STON2: variants seen among roughly 807,000 people sequenced by gnomAD.
STON2 encodes the protein stonin 2.
Under a neutral mutation model 65.7 loss-of-function variants are expected in STON2, and 29 were observed. The ratio of observed to expected loss-of-function variants is 0.44; its 90% CI spans 0.33 to 0.60. The LOEUF is 0.60. Ranked by LOEUF, STON2 falls within the 20% of genes least tolerant of loss-of-function variation. The pLI is 0.03. For synonymous variants in STON2, 404 were observed against 414.2 expected, an observed-to-expected ratio of 0.98 and a Z score of 0.30; for missense variants, 1,054 against 1,118.1, an observed-to-expected ratio of 0.94 and a Z score of 0.82.
chr14:81,382,490 C>T (rs1294141750), intron 3 of STON2, among the ~76,000 whole-genome samples: 2 of 151,956 alleles, frequency 1.3e-5, no homozygotes, highest in East Asian at 3.9e-4. Flanking sequence ...GGTAGTAAAA[C>T]TGTCAAGAAA....
intron 5 of STON2, among the ~76,000 whole-genome samples, chr14:81,280,636 G>A (rs1895074338): frequency 6.6e-6 from 1 of 152,178 alleles, no homozygotes; most frequent in Non-Finnish European, 1.5e-5. Flanking sequence ...ATACAAGGAT[G>A]GGATGCTGGC....
At chr14:81,310,134 T>A (rs1000038602) in intron 5 of STON2, among the ~76,000 whole-genome samples, 9 of 152,234 alleles carry the variant, frequency 5.9e-5, no homozygotes, top group Non-Finnish European at 1.2e-4. Context: ...TTCTACTTTA[T>A]ATTATGAAAG....
chr14:81,274,690 C>A (rs1376520493), intron 6 of STON2, among the ~76,000 whole-genome samples: 2 of 152,004 alleles, frequency 1.3e-5, no homozygotes, highest in Non-Finnish European at 1.5e-5. Flanking sequence ...AATCCCAGCA[C>A]TTCGGGAGTA....
intron 5 of STON2, among the ~76,000 whole-genome samples, chr14:81,310,025 C>A (rs1170020810): frequency 6.6e-6 from 1 of 152,094 alleles, no homozygotes; most frequent in East Asian, 1.9e-4. Flanking sequence ...TTATTTAATA[C>A]CCCAGGAATC....
chr14:81,355,173 A>T (rs1371620450), intron 4 of STON2, among the ~76,000 whole-genome samples: 3 of 152,154 alleles, frequency 2.0e-5, no homozygotes, highest in Non-Finnish European at 2.9e-5. Flanking sequence ...TAACCTTCAC[A>T]CAACAGAAAT....
intron 2 of STON2, among the ~76,000 whole-genome samples, chr14:81,397,117 T>C (rs1267924727): frequency 6.6e-6 from 1 of 152,200 alleles, no homozygotes; most frequent in Non-Finnish European, 1.5e-5. Context: ...TACACAAATG[T>C]ATACATGTGC....
Position 81,267,739 on chromosome 14 carries a change from A to G in STON2, c.*675T>C, listed in dbSNP as rs1286997003. 1.0e-6 allele frequency: 1 copy of G among 985,416 alleles called. No individual in the cohort carries two copies. 61.0% of individuals were successfully genotyped at this position (985,416 alleles called of 1,614,324 possible). On this transcript the variant is annotated 3_prime_UTR_variant, in exon 8 of 8. Coordinates refer to ENST00000614646, the MANE Select transcript of STON2 (RefSeq NM_001394390.1). Reference sequence around the variant, plus strand: ...CATTCACAAAATTAAAAAGTCTCCTATTGTGCCTTTTTCCATTGTCTATTG... The same window carrying G: ...CATTCACAAAATTAAAAAGTCTCCTGTTGTGCCTTTTTCCATTGTCTATTG...
chr14:81,306,295 T>C (rs915292487), intron 5 of STON2, among the ~76,000 whole-genome samples: 3 of 148,884 alleles, frequency 2.0e-5, no homozygotes, highest in East Asian at 2.0e-4. Flanking sequence ...GGTGGTGTGA[T>C]TGTGGCTCCC....
chr14:81,429,838 G>C (rs1220469683), intron 1 of STON2, among the ~76,000 whole-genome samples: 1 of 152,078 alleles, frequency 6.6e-6, no homozygotes, highest in East Asian at 1.9e-4. Flanking sequence ...GGCAGGCTGA[G>C]GCAGGAGAAT....
At chr14:81,295,632 C>G (rs1284236685) in intron 5 of STON2, among the ~76,000 whole-genome samples, 2 of 152,336 alleles carry the variant, frequency 1.3e-5, no homozygotes, top group South Asian at 4.1e-4. Context: ...GACTTGTCCC[C>G]CACTGTCCTT....
At chr14:81,268,534 G>T (rs773774640) in intron 7 of STON2, 37 bp from the exon 8 acceptor site, 1 of 1,287,288 alleles carries the variant, frequency 7.8e-7, no homozygotes, top group South Asian at 1.2e-5. Context: ...AGATCAAAAA[G>T]AAGAGAAAAA....
At position 81,277,920 on chromosome 14, in the gene STON2, T is replaced by C. The variant is rs1371475980; in HGVS notation, c.1562A>G (p.Glu521Gly). Residue 521 changes from glutamate (E) to glycine (G), a missense_variant, in exon 6 of 8, where the codon GAG becomes GGG. Coordinates refer to ENST00000614646, the MANE Select transcript of STON2 (RefSeq NM_001394390.1). Reference sequence around the variant, plus strand: ...ACGGAATGGTTTTTCTAGGCCCTGCTCATAATACAGCTGCAGGTAACCAGT... The same window carrying C: ...ACGGAATGGTTTTTCTAGGCCCTGCCCATAATACAGCTGCAGGTAACCAGT... ...TDTGYLQLYY[E>G]QGLEKPFREF... The C allele has an allele frequency of 1.2e-6, 2 of 1,614,204 alleles. No homozygotes were observed. The highest frequency in any genetic ancestry group is 1.7e-6 in the Non-Finnish European group (2 of 1,180,040).
intron 4 of STON2, among the ~76,000 whole-genome samples, chr14:81,367,974 A>T (rs1230842049): frequency 6.6e-6 from 1 of 152,264 alleles, no homozygotes; most frequent in Non-Finnish European, 1.5e-5. Context: ...GTGGGCACAC[A>T]GCAGTTATCT....
At chr14:81,358,301 T>C (rs1313214266) in intron 4 of STON2, among the ~76,000 whole-genome samples, 1 of 151,738 alleles carries the variant, frequency 6.6e-6, no homozygotes, top group African/African-American at 2.4e-5. Context: ...ATGTGTAGAG[T>C]TGTTATATAC....
At chr14:81,304,343 G>A (rs1269044030) in intron 5 of STON2, among the ~76,000 whole-genome samples, 6 of 152,174 alleles carry the variant, frequency 3.9e-5, no homozygotes, top group African/African-American at 1.2e-4. Context: ...ACCCTGTGAG[G>A]TAGGTACTGC....
At chr14:81,408,290 T>C (rs1900975265) in intron 2 of STON2, among the ~76,000 whole-genome samples, 1 of 152,190 alleles carries the variant, frequency 6.6e-6, no homozygotes, top group East Asian at 1.9e-4. Context: ...AAATATTTTA[T>C]TTTAAAAAAC....
Position 81,296,863 on chromosome 14 carries a change from G to C in STON2, c.743-18124C>G, listed in dbSNP as rs542350195. ...AAATACTCCCTAAAATATTTAGAGA[G>C]GAAGAATGTAACAATCCTATCTAAA... On this transcript the variant is annotated intron_variant, in intron 5 of 7. Coordinates refer to ENST00000614646, the MANE Select transcript of STON2 (RefSeq NM_001394390.1). 2.0e-5 allele frequency among the ~76,000 whole-genome samples: 3 copies of C among 152,296 alleles called. No individual in the cohort carries two copies. In the East Asian group the frequency reaches 5.8e-4, roughly 29 times the overall value.
chr14:81,389,609 G>A (rs928985726), intron 3 of STON2, among the ~76,000 whole-genome samples: 1 of 152,184 alleles, frequency 6.6e-6, no homozygotes, highest in Non-Finnish European at 1.5e-5. Flanking sequence ...TCACCTAGCC[G>A]CCAGCAAACT....
intron 4 of STON2, among the ~76,000 whole-genome samples, chr14:81,369,513 C>A (rs28476767): frequency 0.18 from 26,855 of 152,098 alleles, 3,066 homozygotes; most frequent in East Asian, 0.44. Context: ...TGCAACTCTC[C>A]AAAGCAACAA....
Sources: gnomAD v4.1 joint callset for allele counts (sites outside exome capture counted in the v4.1 genomes callset) on GRCh38, gnomAD v4.1.1 for gene constraint, MANE v1.5 for transcripts, NCBI Gene and HGNC (gene_info 2026-07-23, HGNC 2026-07-21) for gene names.